SRSF6: variants seen among roughly 807,000 people sequenced by gnomAD.
SRSF6 encodes serine and arginine rich splicing factor 6.
SRSF6 carries 17 observed loss-of-function variants against 42.0 expected under a neutral mutation model. That is an observed-to-expected ratio of 0.40 (90% CI 0.28 to 0.61). The LOEUF (loss-of-function observed/expected upper bound fraction) is 0.61, where lower values mean the gene tolerates loss of function less well. Among genes scored for constraint, SRSF6 ranks in the 20% least tolerant of loss-of-function variants. SRSF6 has a pLI of 0.37. For missense variants in SRSF6, 379 were observed against 471.4 expected (o/e 0.80, Z 1.81); for synonymous variants, 204 against 166.7 (o/e 1.22, Z -1.72).
rs1318863651 is a variant in SRSF6, at chr20:43,457,959, C to T, written c.-75C>T. 1.4e-5 allele frequency: 18 copies of T among 1,294,258 alleles called. No homozygotes were observed. The East Asian group carries it at 3.8e-4, about 27-fold the overall frequency. The allele number at this position is 1,294,258 out of a possible 1,614,324, so 80.2% of individuals were successfully genotyped here. A position where few individuals can be genotyped will look rare whatever the true frequency, so the allele number is the denominator to read the frequency against. On this transcript the variant is annotated 5_prime_UTR_variant, in exon 1 of 6. Coordinates refer to ENST00000244020, the MANE Select transcript of SRSF6 (RefSeq NM_006275.6). ...CGCGTGTTCGGGCTCTTGCCGTCCC[C>T]GCACCCGCACCGCGGTTACTGGCTT...
rs185288373 is a variant in SRSF6, at chr20:43,462,578, C to T, written c.*1515C>T. ...AGGTGTGACTGGAAAGCATGATATT[C>T]TAGGGTTGGTTTGTAGATTCAAATA... On this transcript the variant is annotated 3_prime_UTR_variant, in exon 6 of 6. Transcript: ENST00000244020. 1 of 152,132 alleles carries T rather than the reference C, an allele frequency of 6.6e-6. No individual in the cohort carries two copies. The highest frequency in any genetic ancestry group is 1.9e-4 in the East Asian group (1 of 5,196). 9.4% of individuals were successfully genotyped at this position (152,132 alleles called of 1,614,324 possible).
At chr20:43,460,479 A>G in intron 4 of SRSF6, 36 bp from the exon 5 acceptor site, 3 of 1,602,824 alleles carry the variant, frequency 1.9e-6, no homozygotes, top group Non-Finnish European at 2.6e-6. Flanking sequence ...TTTAAGTTGG[A>G]TTGGGATTAA....
In SRSF6 at chr20:43,460,013, T is replaced by C; in HGVS notation, c.382-20T>C. On this transcript the variant is annotated intron_variant, in intron 3 of 5. Transcript: ENST00000244020. ...ATAGATGTTTTAAGATTTCCGAGTC[T>C]GACCAATCTTGTCTTTCAGGATTTT... 4 of 1,614,156 alleles carry C rather than the reference T, an allele frequency of 2.5e-6. No homozygotes were observed. Among genetic ancestry groups the C allele is most frequent in the African/African-American group, 1.3e-5 (1 of 75,078 alleles).
chr20:43,458,600 G>T, intron 2 of SRSF6, 91 bp downstream of exon 2: 1 of 1,303,892 alleles, frequency 7.7e-7, no homozygotes, highest in Non-Finnish European at 9.9e-7. Context: ...CAGGCGCGAG[G>T]GCCGGGGGTC....
At position 43,460,976 on chromosome 20, in the gene SRSF6, C is replaced by A. The variant is rs770795026; in HGVS notation, c.948C>A (p.Ser316=). The change falls in exon 6 of 6, where the codon TCC becomes TCA. Residue 316 remains serine (S), a synonymous_variant. Coordinates refer to ENST00000244020, the MANE Select transcript of SRSF6 (RefSeq NM_006275.6). ...CACCCTCAAAGGCCCGTTCTGTGTC[C>A]CCTCCACCAAAAAGAGCTACTTCAA... The part of the protein sequence containing the change: ...PVPPSKARSV[S]PPPKRATSRS... 6 of 1,613,596 alleles carry A rather than the reference C, an allele frequency of 3.7e-6. No homozygotes were observed. Among genetic ancestry groups the A allele is most frequent in the Non-Finnish European group, 4.2e-6 (5 of 1,179,874 alleles).
chr20:43,461,337 GTTTTTTTTTTTTTTTT>G lies in SRSF6; in HGVS notation c.*296_*311del, dbSNP rs57110045. The stretch of plus-strand genomic sequence containing the variant: ...GTAAAGATTAAGCTCATTTAGTGTT[GTTTTTTTTTTTTTTTT>G]TTTTTTTTTTTTTTTTTTTTTAGTA... On this transcript the variant is annotated 3_prime_UTR_variant, in exon 6 of 6. Transcript: ENST00000244020. 1.8e-4 allele frequency: 8 copies of G among 43,784 alleles called. No homozygotes were observed. The highest frequency in any genetic ancestry group is 3.3e-4 in the African/African-American group (4 of 12,198). 2.7% of individuals were successfully genotyped at this position (43,784 alleles called of 1,614,324 possible).
At chr20:43,458,258 C>A in intron 1 of SRSF6, 103 bp from the exon 2 acceptor site, 1 of 1,400,944 alleles carries the variant, frequency 7.1e-7, no homozygotes. Context: ...AAGATGGCGA[C>A]GGCGCGGCGT....
At position 43,462,042 on chromosome 20, in the gene SRSF6, GATC is replaced by G. The variant is rs2017609964; in HGVS notation, c.*982_*984del. Reference sequence around the variant, plus strand: ...GCACATACTGCATTTTCTGCTGAAAGATCATTATGTTTAACAGGCACTTAATCT... The same window carrying G: ...GCACATACTGCATTTTCTGCTGAAAGATTATGTTTAACAGGCACTTAATCT... On this transcript the variant is annotated 3_prime_UTR_variant, in exon 6 of 6. Transcript: ENST00000244020. 1 of 152,188 alleles carries G rather than the reference GATC, an allele frequency of 6.6e-6. No homozygotes were observed. The highest frequency in any genetic ancestry group is 6.5e-5 in the Admixed American group (1 of 15,276). The allele number at this position is 152,188 out of a possible 1,614,324, so 9.4% of individuals were successfully genotyped here.
rs2017595735 is a variant in SRSF6, at chr20:43,461,372, T to TTTTTTTTTTTTC, written c.*311_*312insTTTTTTTTTCTT. The TTTTTTTTTTTTC allele has an allele frequency of 5.2e-6, 1 of 191,998 alleles. No homozygotes were observed. The highest frequency in any genetic ancestry group is 2.9e-5 in the African/African-American group (1 of 34,258). 11.9% of individuals were successfully genotyped at this position (191,998 alleles called of 1,614,324 possible). On this transcript the variant is annotated 3_prime_UTR_variant, in exon 6 of 6. Coordinates refer to ENST00000244020, the MANE Select transcript of SRSF6 (RefSeq NM_006275.6). ...TTTTTTTTTTTTTTTTTTTTTTTTT[T>TTTTTTTTTTTTC]TTAGTATTTCAGCAGGATCTGCTGG...
Position 43,461,191 on chromosome 20 carries a change from T to G in SRSF6, c.*128T>G. On this transcript the variant is annotated 3_prime_UTR_variant, in exon 6 of 6. Coordinates refer to ENST00000244020, the MANE Select transcript of SRSF6 (RefSeq NM_006275.6). Reference sequence around the variant, plus strand: ...AAACAGGGGCACACAGAAATTTGATTTGTGGCCAAATTGGATGAAAAAGAT... The same window carrying G: ...AAACAGGGGCACACAGAAATTTGATGTGTGGCCAAATTGGATGAAAAAGAT... 7.4e-7 allele frequency: 1 copy of G among 1,347,002 alleles called. No homozygotes were observed. Among genetic ancestry groups the G allele is most frequent in the South Asian group, 1.9e-5 (1 of 52,490 alleles). 83.4% of individuals were successfully genotyped at this position (1,347,002 alleles called of 1,614,324 possible).
chr20:43,459,451 T>G (rs1349601920), intron 2 of SRSF6: 1 of 1,249,210 alleles, frequency 8.0e-7, no homozygotes, highest in South Asian at 1.5e-5. Flanking sequence ...TAGTAAACAT[T>G]TTTGTAAAAT....
intron 1 of SRSF6, 75 bp downstream of exon 1, chr20:43,458,215 G>T (rs1470916382): frequency 6.7e-7 from 1 of 1,495,490 alleles, no homozygotes; most frequent in African/African-American, 1.5e-5. Context: ...GAAAGAAGCG[G>T]CCAAGGCCGC....
In SRSF6 at chr20:43,458,492, A is replaced by G. The variant is rs1202634239; in HGVS notation, c.239A>G (p.Tyr80Cys). The G allele has an allele frequency of 6.6e-7, 1 of 1,507,904 alleles. No homozygotes were observed. Among genetic ancestry groups the G allele is most frequent in the Non-Finnish European group, 8.8e-7 (1 of 1,134,140 alleles). The allele number at this position is 1,507,904 out of a possible 1,614,324, so 93.4% of individuals were successfully genotyped here. Residue 80 changes from tyrosine (Y) to cysteine (C), a missense_variant, in exon 2 of 6, where the codon TAC becomes TGC. Coordinates refer to ENST00000244020, the MANE Select transcript of SRSF6 (RefSeq NM_006275.6). ...GGCCCGCGTCGCGATCGCGACGGCTACAGCTACGGAAGCCGCAGTGAGTCC... is the reference window on the plus strand; with the variant it reads ...GGCCCGCGTCGCGATCGCGACGGCTGCAGCTACGGAAGCCGCAGTGAGTCC... ...ARGPRRDRDG[Y>C]SYGSRSGGGG...
rs147944758 is a variant in SRSF6 at position 43,462,545 on chromosome 20, T to C, written c.*1482T>C. 6.6e-6 allele frequency: 1 copy of C among 152,222 alleles called. No homozygotes were observed. The highest frequency in any genetic ancestry group is 1.5e-5 in the Non-Finnish European group (1 of 68,044). 9.4% of individuals were successfully genotyped at this position (152,222 alleles called of 1,614,324 possible). On this transcript the variant is annotated 3_prime_UTR_variant, in exon 6 of 6. Transcript: ENST00000244020. The stretch of plus-strand genomic sequence containing the variant: ...TGGGGCATGGTCGTACACTGCTCAT[T>C]GTGCCACAGGTGTGACTGGAAAGCA...
In SRSF6 at chr20:43,461,337, G is replaced by GTTTTTGTTTTTTTTT. The variant is rs2017589758; in HGVS notation, c.*279_*280insGTTTTTTTTTTTTTT. 1 of 43,768 alleles carries GTTTTTGTTTTTTTTT rather than the reference G, an allele frequency of 2.3e-5. No homozygotes were observed. The allele number at this position is 43,768 out of a possible 1,614,324, so 2.7% of individuals were successfully genotyped here. On this transcript the variant is annotated 3_prime_UTR_variant, in exon 6 of 6. Transcript: ENST00000244020. Reference sequence around the variant, plus strand: ...GTAAAGATTAAGCTCATTTAGTGTTGTTTTTTTTTTTTTTTTTTTTTTTTT... The same window carrying GTTTTTGTTTTTTTTT: ...GTAAAGATTAAGCTCATTTAGTGTTGTTTTTGTTTTTTTTTTTTTTTTTTTTTTTTTTTTTTTTTT...
chr20:43,459,298 C>G (rs2017548142), intron 2 of SRSF6: 1 of 1,351,950 alleles, frequency 7.4e-7, no homozygotes, highest in Admixed American at 1.9e-5. Context: ...CAGCCTTTTG[C>G]CATTAGACGC....
chr20:43,460,305 G>A (rs2017563405), intron 4 of SRSF6, 64 bp downstream of exon 4: 1 of 1,534,458 alleles, frequency 6.5e-7, no homozygotes, highest in East Asian at 2.3e-5. Flanking sequence ...GAGTAATTGA[G>A]TGATGTCAAT....
intron 4 of SRSF6, 41 bp downstream of exon 4, chr20:43,460,282 G>C (rs747827110): frequency 6.2e-7 from 1 of 1,600,848 alleles, no homozygotes. Context: ...AACAATATTT[G>C]CCAATAAAAA....
rs2017584077 is a variant in SRSF6 at position 43,461,190 on chromosome 20, T to C, written c.*127T>C. 4 of 1,350,540 alleles carry C rather than the reference T, an allele frequency of 3.0e-6. No individual in the cohort carries two copies. Among genetic ancestry groups the C allele is most frequent in the Admixed American group, 3.1e-5 (1 of 32,660 alleles). 83.7% of individuals were successfully genotyped at this position (1,350,540 alleles called of 1,614,324 possible). A position where few individuals can be genotyped will look rare whatever the true frequency, so the allele number is the denominator to read the frequency against. ...AAAACAGGGGCACACAGAAATTTGA[T>C]TTGTGGCCAAATTGGATGAAAAAGA... On this transcript the variant is annotated 3_prime_UTR_variant, in exon 6 of 6. Transcript: ENST00000244020.
Sources: gnomAD v4.1 joint callset for allele counts on GRCh38, gnomAD v4.1.1 for gene constraint, MANE v1.5 for transcripts, NCBI Gene and HGNC (gene_info 2026-07-23, HGNC 2026-07-21) for gene names.